Variants in CRACR2A observed in about 807,000 individuals in gnomAD.
CRACR2A encodes calcium release activated channel regulator 2A, also known as EF-hand calcium-binding domain-containing protein 4B.
Under a neutral mutation model 90.5 loss-of-function variants are expected in CRACR2A, and 79 were observed. That is an observed-to-expected ratio of 0.87 (90% CI 0.73 to 1.05). The LOEUF is 1.05. Among genes scored for constraint, CRACR2A ranks in the 50% least tolerant of loss-of-function variants. CRACR2A has a pLI of 0.00. For missense variants in CRACR2A, 823 were observed against 897.2 expected, an observed-to-expected ratio of 0.92 and a Z score of 1.06; for synonymous variants, 338 against 356.7, an observed-to-expected ratio of 0.95 and a Z score of 0.59.
chr12:3,693,828 G>C (rs1332088712), intron 4 of CRACR2A, among the ~76,000 whole-genome samples: 1 of 152,074 alleles, frequency 6.6e-6, no homozygotes, highest in Non-Finnish European at 1.5e-5. Context: ...GGGGTTCTTT[G>C]CATCTGGCTG....
At chr12:3,650,798 C>T (rs916003401) in intron 10 of CRACR2A, among the ~76,000 whole-genome samples, 7 of 152,202 alleles carry the variant, frequency 4.6e-5, no homozygotes, top group Non-Finnish European at 7.3e-5. Flanking sequence ...GCTCTGCATA[C>T]ACAGCACCAG....
rs966599822 is a variant in CRACR2A at position 3,691,101 on chromosome 12, T to C, written c.228+5671A>G. On this transcript the variant is annotated intron_variant, in intron 4 of 19. Coordinates refer to ENST00000440314, the MANE Select transcript of CRACR2A (RefSeq NM_001144958.2). ...CATACCAATGGGTCTTGGTTCTTTA[T>C]CCAGCTTGTCACTCTCTGCCTTTTA... Among the ~76,000 whole-genome samples, 6 of 152,358 alleles carry C rather than the reference T, an allele frequency of 3.9e-5. 1 individual carries two copies. Among genetic ancestry groups the C allele is most frequent in the African/African-American group, 1.4e-4 (6 of 41,572 alleles).
At chr12:3,725,178 C>T (rs1000070178) in intron 2 of CRACR2A, among the ~76,000 whole-genome samples, 1 of 152,134 alleles carries the variant, frequency 6.6e-6, no homozygotes, top group African/African-American at 2.4e-5. Context: ...CAAATCTCCT[C>T]CACCCGTTAG....
intron 12 of CRACR2A, among the ~76,000 whole-genome samples, chr12:3,643,810 T>C (rs1944621838): frequency 9.2e-6 from 1 of 108,252 alleles, no homozygotes; most frequent in South Asian, 2.5e-4. Context: ...ATATATTATA[T>C]ATATATTTAT....
chr12:3,627,363 G>A (rs890195753), intron 17 of CRACR2A, 73 bp downstream of exon 17: 33 of 1,135,928 alleles, frequency 2.9e-5, no homozygotes, highest in South Asian at 2.3e-4. Context: ...AGAGGCCCAC[G>A]TGGGAGATGG....
At chr12:3,747,101 T>C (rs1946638190) in intron 1 of CRACR2A, among the ~76,000 whole-genome samples, 2 of 152,304 alleles carry the variant, frequency 1.3e-5, no homozygotes, top group South Asian at 4.1e-4. Context: ...CACTAAGCAT[T>C]CAGAGGCGGC....
chr12:3,734,473 C>T (rs1008285888), intron 1 of CRACR2A, among the ~76,000 whole-genome samples: 1 of 152,134 alleles, frequency 6.6e-6, no homozygotes, highest in Non-Finnish European at 1.5e-5. Flanking sequence ...AACAATCCCA[C>T]TTCTAGGTAT....
chr12:3,636,936 G>A (rs1439579365), intron 14 of CRACR2A, among the ~76,000 whole-genome samples: 1 of 152,232 alleles, frequency 6.6e-6, no homozygotes, highest in Admixed American at 6.5e-5. Context: ...AATGGCTGCC[G>A]CGGCGTGCAG....
chr12:3,681,479 C>T (rs1403173925), intron 4 of CRACR2A, among the ~76,000 whole-genome samples: 1 of 152,186 alleles, frequency 6.6e-6, no homozygotes, highest in Non-Finnish European at 1.5e-5. Context: ...TGGCCTTCTG[C>T]CCGATGTGCA....
chr12:3,627,844 A>T lies in CRACR2A; in HGVS notation c.1736-138T>A, dbSNP rs544121911. ...CCTCCATGTGCAGCTCGTGGGAGGC[A>T]AAATGGAGAAAAGAACAGAGCACTG... On this transcript the variant is annotated intron_variant, in intron 15 of 19. Transcript: ENST00000440314. The T allele has an allele frequency of 6.1e-6, 5 of 823,622 alleles. No homozygotes were observed. The South Asian group carries it at 6.3e-5, about 10-fold the overall frequency. The allele number at this position is 823,622 out of a possible 1,614,324, so 51.0% of individuals were successfully genotyped here. A position where few individuals can be genotyped will look rare whatever the true frequency, so the allele number is the denominator to read the frequency against.
At chr12:3,749,973 G>A (rs1343032170) in intron 1 of CRACR2A, among the ~76,000 whole-genome samples, 1 of 151,610 alleles carries the variant, frequency 6.6e-6, no homozygotes, top group Admixed American at 6.6e-5. Flanking sequence ...TATCGCTCTT[G>A]TCACTCAGGC....
rs1371950169 is a variant in CRACR2A at position 3,711,438 on chromosome 12, C to G, written c.-37+1799G>C. ...CATCACTTGCAGGTTCTACCTTCTA[C>G]AAAACACTGATGTGAGCACAACTTA... On this transcript the variant is annotated intron_variant, in intron 3 of 19. Coordinates refer to ENST00000440314, the MANE Select transcript of CRACR2A (RefSeq NM_001144958.2). This position sits in a 1 kb window ranked among gnomAD's most constrained non-coding sequence, Gnocchi z 4.3. Among the ~76,000 whole-genome samples the G allele has an allele frequency of 2.6e-5, 4 of 152,238 alleles. No homozygotes were observed. Among genetic ancestry groups the G allele is most frequent in the Non-Finnish European group, 5.9e-5 (4 of 68,046 alleles).
At chr12:3,692,350 G>A (rs1591691226) in intron 4 of CRACR2A, among the ~76,000 whole-genome samples, 3 of 152,150 alleles carry the variant, frequency 2.0e-5, no homozygotes, top group Non-Finnish European at 4.4e-5. Flanking sequence ...GGGTTTGATT[G>A]TGGTATGAGG....
intron 7 of CRACR2A, among the ~76,000 whole-genome samples, chr12:3,663,151 C>G (rs1265197753): frequency 6.6e-6 from 1 of 152,044 alleles, no homozygotes; most frequent in Non-Finnish European, 1.5e-5. Context: ...ATTTATGTCA[C>G]CCACAGGGCC....
intron 3 of CRACR2A, among the ~76,000 whole-genome samples, chr12:3,702,395 TA>T (rs923003947): frequency 5.3e-5 from 8 of 151,972 alleles, no homozygotes; most frequent in African/African-American, 1.2e-4. Flanking sequence ...AGTGCTTATA[TA>T]AAAAAAATCT....
intron 7 of CRACR2A, among the ~76,000 whole-genome samples, chr12:3,661,061 C>T (rs1411569482): frequency 6.6e-6 from 1 of 152,166 alleles, no homozygotes; most frequent in Non-Finnish European, 1.5e-5. Context: ...AGCCCTCCAT[C>T]ATTTTAACCC....
intron 2 of CRACR2A, chr12:3,727,979 T>G (rs1230443303): frequency 6.6e-6 from 1 of 152,212 alleles, no homozygotes; most frequent in East Asian, 1.9e-4. Context: ...ACTGTAAATT[T>G]TGCTCTCCTT....
At chr12:3,678,004 C>T (rs1945367367) in intron 6 of CRACR2A, among the ~76,000 whole-genome samples, 1 of 152,166 alleles carries the variant, frequency 6.6e-6, no homozygotes, top group Admixed American at 6.5e-5. Context: ...CCACCCTAGC[C>T]CCTTCTCTTC....
chr12:3,672,745 T>C, intron 7 of CRACR2A: 1 of 985,486 alleles, frequency 1.0e-6, no homozygotes, highest in Non-Finnish European at 1.2e-6. Context: ...GTTCTGACTC[T>C]GGTTCAGTTC....
Sources: gnomAD v4.1 joint callset for allele counts (sites outside exome capture counted in the v4.1 genomes callset) on GRCh38, gnomAD v4.1.1 for gene constraint, Gnocchi (gnomAD v3.1) non-coding constraint, MANE v1.5 for transcripts, NCBI Gene and HGNC (gene_info 2026-07-23, HGNC 2026-07-21) for gene names.